Variants in CYP2C19 observed in about 807,000 individuals in gnomAD.
The protein encoded by CYP2C19 is cytochrome P450 2C19.
In CYP2C19, 59 loss-of-function variants were observed where a neutral mutation model predicts 40.9. That is an observed-to-expected ratio of 1.44 (90% confidence interval 1.17 to 1.79). CYP2C19 has a LOEUF of 1.79. Among genes scored for constraint, CYP2C19 ranks in the 40% most tolerant of loss-of-function variants. CYP2C19 has a pLI of 0.00. For synonymous variants in CYP2C19, 253 were observed against 208.7 expected (o/e 1.21, Z -1.83); for missense variants, 754 against 596.9 (o/e 1.26, Z -2.74).
chr10:94,817,666 C>G (rs371318163), intron 5 of CYP2C19, among the ~76,000 whole-genome samples: 2,993 of 150,314 alleles, frequency 0.02, 98 homozygotes, highest in African/African-American at 0.062. Context: ...TGCCTATGTC[C>G]TGAATGGTAA....
At chr10:94,820,246 T>C (rs1849091787) in intron 5 of CYP2C19, among the ~76,000 whole-genome samples, 1 of 151,970 alleles carries the variant, frequency 6.6e-6, no homozygotes, top group African/African-American at 2.4e-5. Context: ...TATTTCAAAA[T>C]AATAAGAGCT....
chr10:94,784,780 G>T (rs1416276718), intron 5 of CYP2C19, among the ~76,000 whole-genome samples: 1 of 151,988 alleles, frequency 6.6e-6, no homozygotes, highest in African/African-American at 2.4e-5. Context: ...GGTAGAGATA[G>T]GGTTTCACCA....
chr10:94,820,440 G>C, intron 5 of CYP2C19, 56 bp from the exon 6 acceptor site: 1 of 1,594,338 alleles, frequency 6.3e-7, no homozygotes, highest in Non-Finnish European at 8.6e-7. Flanking sequence ...TGAATTTACT[G>C]TCATCAAATA....
intron 5 of CYP2C19, among the ~76,000 whole-genome samples, chr10:94,796,283 G>A (rs1441143545): frequency 6.6e-6 from 1 of 152,078 alleles, no homozygotes; most frequent in Non-Finnish European, 1.5e-5. Context: ...GTTTTTGTCA[G>A]GCTTGTCAAA....
rs551766249 is a variant in CYP2C19 at position 94,824,898 on chromosome 10, T to A, written c.961+4261T>A. On this transcript the variant is annotated intron_variant, in intron 6 of 8. Transcript: ENST00000371321. ...TTCAATTCCCACCTATGAGTGAGAA[T>A]ATGCAGTGTTTGGTTTTCTGTTCTT... Among the ~76,000 whole-genome samples the A allele has an allele frequency of 2.8e-3, 420 of 149,140 alleles. 2 individuals carry two copies. The highest frequency in any genetic ancestry group is 9.8e-3 in the African/African-American group (397 of 40,330).
In CYP2C19 at chr10:94,775,097, G is replaced by T. The variant is rs1848388308; in HGVS notation, c.208G>T (p.Gly70Cys). The stretch of plus-strand genomic sequence containing the variant: ...TGGCCCTGTGTTCACTCTGTATTTT[G>T]GCCTGGAACGCATGGTGGTGCTGCA... ...IYGPVFTLYF[G>C]LERMVVLHGY... The change falls in exon 2 of 9, where the codon GGC (glycine) becomes TGC (cysteine). Residue 70 changes from glycine (G) to cysteine (C), a missense_variant. Physicochemically the swap from Gly to Cys is radical, Grantham distance 159 (BLOSUM62 -3). Transcript: ENST00000371321. 1 of 1,613,956 alleles carries T rather than the reference G, an allele frequency of 6.2e-7. No individual in the cohort carries two copies. Among genetic ancestry groups the T allele is most frequent in the African/African-American group, 1.3e-5 (1 of 74,886 alleles).
At chr10:94,815,480 C>A (rs1848987612) in intron 5 of CYP2C19, among the ~76,000 whole-genome samples, 1 of 152,164 alleles carries the variant, frequency 6.6e-6, no homozygotes, top group African/African-American at 2.4e-5. Flanking sequence ...ACATCAACAC[C>A]CCAGCCCTAA....
rs3758581 is a variant in CYP2C19 at position 94,842,866 on chromosome 10, A to G, written c.991A>G (p.Ile331Val). 1,515,187 of 1,614,130 alleles carry G rather than the reference A, an allele frequency of 0.94. 711,604 individuals carry two copies. The highest frequency in any genetic ancestry group is 0.99 in the African/African-American group (74,097 of 75,032). Reference protein sequence around the residue: ...AKVQEEIERVIGRNRSPCMQD... With the variant: ...AKVQEEIERVVGRNRSPCMQD... The stretch of plus-strand genomic sequence containing the variant: ...AGTCCAGGAAGAGATTGAACGTGTC[A>G]TTGGCAGAAACCGGAGCCCCTGCAT... The change falls in exon 7 of 9, where the codon ATT (isoleucine) becomes GTT (valine). Residue 331 changes from isoleucine to valine, a missense_variant. Transcript: ENST00000371321.
chr10:94,817,864 T>C (rs944632031), intron 5 of CYP2C19, among the ~76,000 whole-genome samples: 11 of 151,592 alleles, frequency 7.3e-5, no homozygotes, highest in Non-Finnish European at 1.2e-4. Flanking sequence ...ATACAAAAAA[T>C]TAGCCGGGCG....
At chr10:94,841,152 C>T (rs1340733755) in intron 6 of CYP2C19, among the ~76,000 whole-genome samples, 2 of 152,124 alleles carry the variant, frequency 1.3e-5, no homozygotes, top group African/African-American at 4.8e-5. Context: ...GGAATGGAAT[C>T]TTGGGCCATG....
At chr10:94,815,306 A>C (rs888704761) in intron 5 of CYP2C19, among the ~76,000 whole-genome samples, 1 of 152,238 alleles carries the variant, frequency 6.6e-6, no homozygotes, top group African/African-American at 2.4e-5. Flanking sequence ...AGTGGTGTTA[A>C]CTACACAATG....
At chr10:94,788,309 G>T (rs1015331006) in intron 5 of CYP2C19, among the ~76,000 whole-genome samples, 2 of 151,982 alleles carry the variant, frequency 1.3e-5, no homozygotes, top group African/African-American at 2.4e-5. Flanking sequence ...GCCTGAGATG[G>T]GTCTTCTAGG....
At chr10:94,818,340 T>C (rs952045023) in intron 5 of CYP2C19, among the ~76,000 whole-genome samples, 5 of 151,518 alleles carry the variant, frequency 3.3e-5, no homozygotes, top group Non-Finnish European at 7.4e-5. Flanking sequence ...TCCAGCTTTG[T>C]TCTTTTGGCT....
chr10:94,826,210 T>C (rs1396524688), intron 6 of CYP2C19, among the ~76,000 whole-genome samples: 1 of 152,050 alleles, frequency 6.6e-6, no homozygotes, highest in African/African-American at 2.4e-5. Context: ...CATTGGTAGC[T>C]TGATGGGGAT....
chr10:94,823,557 G>C (rs1423980422), intron 6 of CYP2C19, among the ~76,000 whole-genome samples: 1 of 152,118 alleles, frequency 6.6e-6, no homozygotes, highest in Non-Finnish European at 1.5e-5. Context: ...ATGTCTAACA[G>C]AGTGAATGAA....
chr10:94,836,391 C>A lies in CYP2C19; in HGVS notation c.962-6446C>A, dbSNP rs573834821. ...CTGTGTAAGGACTCCTAGAGCTATT[C>A]CTGTTTTTTTTCTGTGTTATATAAA... On this transcript the variant is annotated intron_variant, in intron 6 of 8. Coordinates refer to ENST00000371321, the MANE Select transcript of CYP2C19 (RefSeq NM_000769.4). Among the ~76,000 whole-genome samples, 26 of 151,572 alleles carry A rather than the reference C, an allele frequency of 1.7e-4. No individual in the cohort carries two copies. The South Asian group carries it at 5.3e-3, about 31-fold the overall frequency.
Position 94,762,791 on chromosome 10 carries a change from T to A in CYP2C19, c.86T>A (p.Leu29His). Residue 29 changes from leucine to histidine, a missense_variant, in exon 1 of 9, where the codon CTC (leucine) becomes CAC (histidine). Physicochemically the swap from Leu to His is moderately conservative, Grantham distance 99. Coordinates refer to ENST00000371321, the MANE Select transcript of CYP2C19 (RefSeq NM_000769.4). ...IWRQSSGRGK[L>H]PPGPTPLPVI... is the part of the protein sequence containing the mutation. ...AGACAGAGCTCTGGGAGAGGAAAAC[T>A]CCCTCCTGGCCCCACTCCTCTCCCA... 1 of 1,613,480 alleles carries A rather than the reference T, an allele frequency of 6.2e-7. No individual in the cohort carries two copies.
intron 6 of CYP2C19, among the ~76,000 whole-genome samples, chr10:94,834,551 TTTTTC>T (rs1308361839): frequency 6.6e-6 from 1 of 151,420 alleles, no homozygotes; most frequent in African/African-American, 2.4e-5. Flanking sequence ...TTTTCTTTCT[TTTTTC>T]TTTTTTTTTT....
rs561928407 is a variant in CYP2C19, at chr10:94,783,547, T to A, written c.819+1550T>A. On this transcript the variant is annotated intron_variant, in intron 5 of 8. Transcript: ENST00000371321. ...GCACCATTTTTGAAGAGGCTATTTT[T>A]TCCTCCTATTGAATTGTCTTGACAA... 2.6e-5 allele frequency among the ~76,000 whole-genome samples: 4 copies of A among 152,278 alleles called. No individual in the cohort carries two copies. The East Asian group carries it at 7.7e-4, about 29-fold the overall frequency.
Sources: allele counts gnomAD v4.1 joint callset (sites outside exome capture counted in the v4.1 genomes callset), GRCh38; gene constraint gnomAD v4.1.1; transcripts MANE v1.5; gene names NCBI Gene and HGNC (gene_info 2026-07-23, HGNC 2026-07-21).